The following BBX variants were observed in gnomAD, a reference collection of about 807,000 sequenced individuals.
BBX encodes the protein HMG box transcription factor BBX.
BBX carries 30 observed loss-of-function variants against 100.2 expected under a neutral mutation model. The observed-to-expected ratio is 0.30, with a 90% CI of 0.22 to 0.41. BBX has a LOEUF of 0.41. Among genes scored for constraint, BBX ranks in the 10% least tolerant of loss-of-function variants. The pLI is 1.00. For synonymous variants in BBX, 376 were observed against 388.1 expected (o/e 0.97, Z 0.37); for missense variants, 1,023 against 1,129.8 (o/e 0.91, Z 1.35).
intron 2 of BBX, among the ~76,000 whole-genome samples, chr3:107,579,373 C>T (rs2052080347): frequency 6.6e-6 from 1 of 152,190 alleles, no homozygotes; most frequent in Admixed American, 6.5e-5. Context: ...TGTCCTGAGA[C>T]TATAGGCAAC....
At chr3:107,681,655 A>C (rs182602868) in intron 3 of BBX, among the ~76,000 whole-genome samples, 2 of 152,276 alleles carry the variant, frequency 1.3e-5, no homozygotes, top group South Asian at 2.1e-4. Context: ...ACTGTAAGTT[A>C]AGCCTAACCA....
rs571773055 is a variant in BBX at position 107,625,716 on chromosome 3, A to C, written c.-83-20120A>C. 5.3e-5 allele frequency among the ~76,000 whole-genome samples: 8 copies of C among 152,276 alleles called. 1 individual carries two copies. The highest frequency in any genetic ancestry group is 1.9e-4 in the African/African-American group (8 of 41,560). On this transcript the variant is annotated intron_variant, in intron 2 of 17. Coordinates refer to ENST00000325805, the MANE Select transcript of BBX (RefSeq NM_001142568.3). ...AAATTTGTTCTGGCCTTTTGGACAT[A>C]AATGCTTATAGTCTGTATATAAAAA...
intron 2 of BBX, among the ~76,000 whole-genome samples, chr3:107,546,726 G>A (rs2049266334): frequency 6.6e-6 from 1 of 152,172 alleles, no homozygotes; most frequent in Non-Finnish European, 1.5e-5. Flanking sequence ...TTGATTTAAA[G>A]TGTGTGAATT....
intron 2 of BBX, among the ~76,000 whole-genome samples, chr3:107,579,024 C>T (rs2052049186): frequency 6.6e-6 from 1 of 152,022 alleles, no homozygotes; most frequent in African/African-American, 2.4e-5. Flanking sequence ...CCCTGAGGGA[C>T]CCTCTTGTTC....
intron 10 of BBX, among the ~76,000 whole-genome samples, chr3:107,767,641 T>G (rs2066504671): frequency 6.6e-6 from 1 of 152,180 alleles, no homozygotes; most frequent in South Asian, 2.1e-4. Context: ...TAGAAACCTT[T>G]GAAAATTATT....
At chr3:107,649,607 A>G (rs1431785801) in intron 3 of BBX, among the ~76,000 whole-genome samples, 1 of 151,950 alleles carries the variant, frequency 6.6e-6, no homozygotes, top group African/African-American at 2.4e-5. Context: ...ACCCTGTACC[A>G]TACCTCTGAT....
chr3:107,589,854 T>A (rs2053170529), intron 2 of BBX, among the ~76,000 whole-genome samples: 1 of 152,180 alleles, frequency 6.6e-6, no homozygotes, highest in Non-Finnish European at 1.5e-5. Flanking sequence ...AAAACAAAAT[T>A]TGTTTTAAAG....
At chr3:107,696,749 T>G (rs568075164) in intron 3 of BBX, among the ~76,000 whole-genome samples, 169 of 151,692 alleles carry the variant, frequency 1.1e-3, no homozygotes, top group Non-Finnish European at 1.9e-3. Flanking sequence ...TGGCCTGCCT[T>G]GCTAGATTGG....
At position 107,531,296 on chromosome 3, in the gene BBX, C is replaced by T. The variant is rs571775246; in HGVS notation, c.-84+4898C>T. On this transcript the variant is annotated intron_variant, in intron 2 of 17. Transcript: ENST00000325805. Reference sequence around the variant, plus strand: ...AAGGTGTAGTACAAGGAACAGAGGCCGTACCACCAAAGAGCTCTAGGTTCC... The same window carrying T: ...AAGGTGTAGTACAAGGAACAGAGGCTGTACCACCAAAGAGCTCTAGGTTCC... Among the ~76,000 whole-genome samples the T allele has an allele frequency of 5.9e-5, 9 of 152,240 alleles. No individual in the cohort carries two copies. The East Asian group carries it at 1.4e-3, about 23-fold the overall frequency.
intron 15 of BBX, 113 bp downstream of exon 15, chr3:107,791,412 A>G (rs1226897397): frequency 2.9e-5 from 24 of 820,120 alleles, no homozygotes; most frequent in African/African-American, 8.6e-5. Context: ...CACTAGACTT[A>G]TGTGTTCATA....
intron 3 of BBX, among the ~76,000 whole-genome samples, chr3:107,692,562 G>T (rs959625142): frequency 6.6e-6 from 1 of 152,182 alleles, no homozygotes; most frequent in Admixed American, 6.5e-5. Flanking sequence ...ATTCTATGGT[G>T]TATATGTGCC....
intron 3 of BBX, among the ~76,000 whole-genome samples, chr3:107,709,783 C>CT (rs1286254241): frequency 2.6e-5 from 4 of 152,138 alleles, no homozygotes; most frequent in East Asian, 1.9e-4. Flanking sequence ...TGGAGAAGAA[C>CT]TTTTTTTTAC....
chr3:107,805,312 C>G (rs933751462), intron 17 of BBX, 58 bp from the exon 18 acceptor site: 2 of 1,517,364 alleles, frequency 1.3e-6, no homozygotes, highest in African/African-American at 2.8e-5. Flanking sequence ...TCATCGTCCT[C>G]TCCTGTCTCT....
chr3:107,793,981 G>A (rs888472120), intron 15 of BBX, among the ~76,000 whole-genome samples: 9 of 151,638 alleles, frequency 5.9e-5, no homozygotes, highest in Non-Finnish European at 8.8e-5. Context: ...TGAAATTTCG[G>A]TATATATGTA....
At chr3:107,588,327 C>T (rs529576615) in intron 2 of BBX, among the ~76,000 whole-genome samples, 12 of 147,096 alleles carry the variant, frequency 8.2e-5, no homozygotes, top group African/African-American at 2.5e-4. Context: ...ACAACATGAT[C>T]ACAAAGTAAG....
intron 2 of BBX, among the ~76,000 whole-genome samples, chr3:107,555,722 C>A (rs368827278): frequency 6.6e-6 from 1 of 152,098 alleles, no homozygotes. Flanking sequence ...ATGCTGAAAG[C>A]GTCTCTGGTT....
intron 6 of BBX, among the ~76,000 whole-genome samples, chr3:107,730,456 A>G (rs1316207299): frequency 1.3e-5 from 2 of 149,656 alleles, no homozygotes; most frequent in East Asian, 3.9e-4. Flanking sequence ...TTCTCAGTCT[A>G]GATCCAGGGT....
chr3:107,708,056 A>G (rs999592379), intron 3 of BBX, among the ~76,000 whole-genome samples: 1 of 152,164 alleles, frequency 6.6e-6, no homozygotes, highest in Non-Finnish European at 1.5e-5. Context: ...TCCTGAAGTG[A>G]TTACTATGTC....
rs1469840953 is a variant in BBX at position 107,615,847 on chromosome 3, A to G, written c.-83-29989A>G. On this transcript the variant is annotated intron_variant, in intron 2 of 17. Transcript: ENST00000325805. ...AAATACAAATTTGGCAATCATTGGC[A>G]TATATTAACTGAAGCCTTTCAGAAT... Among the ~76,000 whole-genome samples, 4 of 152,114 alleles carry G rather than the reference A, an allele frequency of 2.6e-5. No homozygotes were observed. The East Asian group carries it at 5.8e-4, about 22-fold the overall frequency.
Sources: allele counts gnomAD v4.1 joint callset (sites outside exome capture counted in the v4.1 genomes callset), GRCh38; gene constraint gnomAD v4.1.1; transcripts MANE v1.5; gene names NCBI Gene and HGNC (gene_info 2026-07-23, HGNC 2026-07-21).